TNRC6A: variants seen among roughly 807,000 people sequenced by gnomAD.
The protein encoded by TNRC6A is trinucleotide repeat-containing gene 6A protein.
In TNRC6A, 44 loss-of-function variants were observed where a neutral mutation model predicts 221.2. The ratio of observed to expected loss-of-function variants is 0.20; its 90% CI spans 0.16 to 0.26. The LOEUF (loss-of-function observed/expected upper bound fraction) is 0.26, where lower values mean the gene tolerates loss of function less well. Among genes scored for constraint, TNRC6A ranks in the 10% least tolerant of loss-of-function variants. The probability of loss-of-function intolerance (pLI) is 1.00; values close to 1 mark genes in which losing one functional copy is unlikely to be tolerated. For synonymous variants in TNRC6A, 847 were observed against 838.5 expected (o/e 1.01, Z -0.18); for missense variants, 2,199 against 2,404.4 (o/e 0.91, Z 1.79).
chr16:24,644,080 A>AGTTTT (rs1902141316), intron 2 of TNRC6A, among the ~76,000 whole-genome samples: 9 of 52,972 alleles, frequency 1.7e-4, no homozygotes, highest in African/African-American at 9.1e-4. Flanking sequence ...TCTTATCTTT[A>AGTTTT]ATTTTTTTTT....
At chr16:24,753,702 A>G (rs1203055570) in intron 3 of TNRC6A, among the ~76,000 whole-genome samples, 4 of 152,254 alleles carry the variant, frequency 2.6e-5, no homozygotes, top group Admixed American at 2.0e-4. Context: ...ATCCAGGCAG[A>G]TATCTACATG....
chr16:24,792,490 AT>A (rs879630329), intron 6 of TNRC6A, among the ~76,000 whole-genome samples: 178 of 144,150 alleles, frequency 1.2e-3, no homozygotes, highest in Admixed American at 1.0e-3. Flanking sequence ...TTGGCACTGA[AT>A]TTTTTTTTTT....
chr16:24,730,283 A>G lies in TNRC6A; in HGVS notation c.36A>G (p.Val12=). Residue 12 remains valine, a synonymous_variant, in exon 2 of 25, where the codon GTA becomes GTG. Transcript: ENST00000395799. ...RELEAKATKD[V]ERNLSRDLVQ... Reference sequence around the variant, plus strand: ...TGGAAGCTAAAGCTACCAAAGACGTAGAAAGAAATCTTAGCAGGTAAGATG... The same window carrying G: ...TGGAAGCTAAAGCTACCAAAGACGTGGAAAGAAATCTTAGCAGGTAAGATG... 6.2e-7 allele frequency: 1 copy of G among 1,603,752 alleles called. No individual in the cohort carries two copies. The highest frequency in any genetic ancestry group is 8.5e-7 in the Non-Finnish European group (1 of 1,176,204).
At chr16:24,812,410 A>G (rs1177658764) in intron 18 of TNRC6A, among the ~76,000 whole-genome samples, 1 of 152,140 alleles carries the variant, frequency 6.6e-6, no homozygotes, top group Admixed American at 6.5e-5. Flanking sequence ...GGAAATGGCA[A>G]AATAAATATG....
chr16:24,755,694 G>T (rs183305941), intron 3 of TNRC6A, among the ~76,000 whole-genome samples: 48 of 152,344 alleles, frequency 3.2e-4, no homozygotes, highest in Non-Finnish European at 5.9e-4. Flanking sequence ...GCAGTGCAGA[G>T]CCTGACAGGC....
At chr16:24,719,636 G>A (rs1216505091) in intron 2 of TNRC6A, among the ~76,000 whole-genome samples, 1 of 151,894 alleles carries the variant, frequency 6.6e-6, no homozygotes, top group African/African-American at 2.4e-5. Flanking sequence ...TCTAGCCTGG[G>A]TGACAGAATG....
At chr16:24,812,825 T>G (rs2058574221) in intron 18 of TNRC6A, among the ~76,000 whole-genome samples, 1 of 152,010 alleles carries the variant, frequency 6.6e-6, no homozygotes, top group South Asian at 2.1e-4. Context: ...ACTTAACCTT[T>G]CTGAACTTGA....
At chr16:24,817,696 A>T (rs2058682681) in intron 20 of TNRC6A, among the ~76,000 whole-genome samples, 1 of 152,190 alleles carries the variant, frequency 6.6e-6, no homozygotes, top group African/African-American at 2.4e-5. Flanking sequence ...TTAAAATACC[A>T]TCTATACCTT....
intron 2 of TNRC6A, among the ~76,000 whole-genome samples, chr16:24,669,192 C>G (rs1011172931): frequency 2.0e-5 from 3 of 152,080 alleles, no homozygotes; most frequent in Non-Finnish European, 4.4e-5. Context: ...TGAAATAGAT[C>G]ATCTGTACAA....
intron 2 of TNRC6A, among the ~76,000 whole-genome samples, chr16:24,719,275 C>CT (rs2056369714): frequency 1.3e-5 from 2 of 152,166 alleles, no homozygotes; most frequent in East Asian, 3.9e-4. Context: ...AATCATAGCA[C>CT]TTTGGGAGGC....
rs36106864 is a variant in TNRC6A, at chr16:24,645,834, CAAAAAAAAAAA to C, written n.402+4848_402+4858del. ...GAAACATGACAAGACCCTGTATCTA[CAAAAAAAAAAA>C]AAAAAAAAAAAAAAAAAAAAAATTA... is the stretch of plus-strand genomic sequence containing the variant. On this transcript the variant is annotated intron_variant and non_coding_transcript_variant, in intron 2 of 2. Coordinates refer to the TNRC6A transcript ENST00000566108. Among the ~76,000 whole-genome samples, 51 of 26,638 alleles carry C rather than the reference CAAAAAAAAAAA, an allele frequency of 1.9e-3. No individual in the cohort carries two copies. The East Asian group carries it at 0.02, about 10-fold the overall frequency. 17.5% of individuals were successfully genotyped at this position (26,638 alleles called of 152,430 possible).
chr16:24,649,203 T>C (rs1440253768), intron 2 of TNRC6A, among the ~76,000 whole-genome samples: 1 of 152,206 alleles, frequency 6.6e-6, no homozygotes, highest in Non-Finnish European at 1.5e-5. Flanking sequence ...GCACAATTGG[T>C]GTTTTTATAT....
At chr16:24,669,309 A>G (rs915760800) in intron 2 of TNRC6A, among the ~76,000 whole-genome samples, 1 of 152,022 alleles carries the variant, frequency 6.6e-6, no homozygotes, top group Non-Finnish European at 1.5e-5. Flanking sequence ...GACCAGCCTG[A>G]GCAACATAGT....
Position 24,790,020 on chromosome 16 carries a change from A to G in TNRC6A, c.1378A>G (p.Met460Val). 1 of 1,614,266 alleles carries G rather than the reference A, an allele frequency of 6.2e-7. No individual in the cohort carries two copies. Among genetic ancestry groups the G allele is most frequent in the Non-Finnish European group, 8.5e-7 (1 of 1,180,048 alleles). The change falls in exon 6 of 25, where the codon ATG becomes GTG. Residue 460 changes from methionine (M) to valine (V), a missense_variant. Physicochemically the swap from Met to Val is conservative, Grantham distance 21. Around this residue, in one of 8 missense-constraint regions of TNRC6A, gnomAD observed 1,405 missense variants for 1,400.2 expected, o/e 1.00. Coordinates refer to ENST00000395799, the MANE Select transcript of TNRC6A (RefSeq NM_014494.4). ...MTGPNNTTNFMTSSLPNSGSV... is the reference protein window; with the variant it reads ...MTGPNNTTNFVTSSLPNSGSV... ...TGGACCAAATAACACTACTAACTTT[A>G]TGACCTCTAGTTTACCAAACTCCGG...
At chr16:24,646,407 G>C (rs1902289750) in intron 2 of TNRC6A, among the ~76,000 whole-genome samples, 1 of 152,118 alleles carries the variant, frequency 6.6e-6, no homozygotes, top group Non-Finnish European at 1.5e-5. Flanking sequence ...CCATGCACTG[G>C]TGGTGATTCA....
chr16:24,692,746 T>TAC (rs1474781368), intron 2 of TNRC6A, among the ~76,000 whole-genome samples: 3 of 151,838 alleles, frequency 2.0e-5, no homozygotes, highest in Non-Finnish European at 2.9e-5. Context: ...GTATATATTA[T>TAC]ACATATATAT....
intron 4 of TNRC6A, among the ~76,000 whole-genome samples, chr16:24,775,025 C>T (rs2057689689): frequency 6.6e-6 from 1 of 152,028 alleles, no homozygotes. Flanking sequence ...GTGGGTGGGG[C>T]ACACATGGAT....
chr16:24,798,032 A>G (rs1225343178), intron 11 of TNRC6A, 66 bp downstream of exon 11: 4 of 1,427,256 alleles, frequency 2.8e-6, no homozygotes, highest in Non-Finnish European at 3.9e-6. Flanking sequence ...ACATGATTCT[A>G]CTGAAAGAGC....
chr16:24,745,517 G>C (rs559450166), intron 2 of TNRC6A, among the ~76,000 whole-genome samples: 8 of 152,322 alleles, frequency 5.3e-5, no homozygotes, highest in South Asian at 2.1e-4. Flanking sequence ...TTTCTAGCTT[G>C]TAACATACAG....
Sources: allele counts gnomAD v4.1 joint callset (sites outside exome capture counted in the v4.1 genomes callset), GRCh38; gene constraint gnomAD v4.1.1; regional missense constraint gnomAD v4.1.1; transcripts MANE v1.5; gene names NCBI Gene and HGNC (gene_info 2026-07-23, HGNC 2026-07-21).